The following UNC93A variants were observed in gnomAD, a reference collection of about 807,000 sequenced individuals.
The protein encoded by UNC93A is unc-93 homolog A.
Under a neutral mutation model 47.5 loss-of-function variants are expected in UNC93A, and 43 were observed. The observed-to-expected ratio is 0.91, with a 90% CI of 0.71 to 1.17. The LOEUF is 1.17. Ranked by LOEUF, UNC93A falls within the 50% of genes most tolerant of loss-of-function variation. The pLI is 0.00. For synonymous variants in UNC93A, 280 were observed against 258.0 expected (o/e 1.09, Z -0.82); for missense variants, 605 against 577.6 (o/e 1.05, Z -0.49).
intron 7 of UNC93A, among the ~76,000 whole-genome samples, chr6:167,312,363 G>A (rs896782042): frequency 1.3e-5 from 2 of 151,948 alleles, no homozygotes; most frequent in African/African-American, 2.4e-5. Context: ...CTGCGGGAGC[G>A]AGTGCCCAGG....
In UNC93A at chr6:167,293,986, G is replaced by T. The variant is rs373339881; in HGVS notation, c.88-531G>T. Among the ~76,000 whole-genome samples, 280 of 152,324 alleles carry T rather than the reference G, an allele frequency of 1.8e-3. 4 individuals carry two copies. In the South Asian group the frequency reaches 0.055, roughly 30 times the overall value. ...GCAGTTTCCAGGATACGAGGGCCACGTCCCTGGTCCATTCTCAAACCTTAG... is the reference window on the plus strand; with the variant it reads ...GCAGTTTCCAGGATACGAGGGCCACTTCCCTGGTCCATTCTCAAACCTTAG... On this transcript the variant is annotated intron_variant, in intron 1 of 7. Coordinates refer to ENST00000230256, the MANE Select transcript of UNC93A (RefSeq NM_018974.4).
At chr6:167,305,481 T>A (rs1157606095) in intron 5 of UNC93A, among the ~76,000 whole-genome samples, 2 of 152,076 alleles carry the variant, frequency 1.3e-5, no homozygotes, top group African/African-American at 4.8e-5. Flanking sequence ...GAGACACATG[T>A]GCAGCCGGCT....
chr6:167,305,473 G>A (rs1778359168), intron 5 of UNC93A, among the ~76,000 whole-genome samples: 1 of 152,158 alleles, frequency 6.6e-6, no homozygotes, highest in Admixed American at 6.5e-5. Context: ...GTGGGCATGA[G>A]ACACATGTGC....
intron 7 of UNC93A, among the ~76,000 whole-genome samples, chr6:167,309,615 A>G (rs1257860285): frequency 6.6e-6 from 1 of 152,132 alleles, no homozygotes; most frequent in Non-Finnish European, 1.5e-5. Flanking sequence ...CCCACAAACG[A>G]ACTACAGGCC....
At chr6:167,274,604 A>G (rs1407808711) in intron 1 of UNC93A, among the ~76,000 whole-genome samples, 2 of 152,060 alleles carry the variant, frequency 1.3e-5, no homozygotes, top group Non-Finnish European at 2.9e-5. Flanking sequence ...TGTTTTCTCT[A>G]TGACACTCTT....
upstream of UNC93A, among the ~76,000 whole-genome samples, chr6:167,286,839 G>C (rs937983509): frequency 1.3e-5 from 2 of 151,904 alleles, no homozygotes; most frequent in Non-Finnish European, 2.9e-5. Flanking sequence ...TTAGCTGGGT[G>C]TGGTGGCGGG....
rs747776544 is a variant in UNC93A at position 167,304,129 on chromosome 6, C to A, written c.836C>A (p.Thr279Lys). 10 of 1,614,068 alleles carry A rather than the reference C, an allele frequency of 6.2e-6. No homozygotes were observed. Among genetic ancestry groups the A allele is most frequent in the Admixed American group, 1.7e-5 (1 of 60,000 alleles). The change falls in exon 5 of 8, where the codon ACA becomes AAA. Residue 279 changes from threonine (T) to lysine (K), a missense_variant. Physicochemically the swap from Thr to Lys is moderately conservative, Grantham distance 78. Transcript: ENST00000230256. Reference protein sequence around the residue: ...LQQGFLSSEYTRSYVTCTLGI... With the variant: ...LQQGFLSSEYKRSYVTCTLGI... ...CAAGGATTCCTCTCCAGCGAATACA[C>A]AAGGGTATGAACGAAAGTGAGGGCC...
chr6:167,285,918 C>T (rs1013357890), intron 1 of UNC93A, among the ~76,000 whole-genome samples: 5 of 148,726 alleles, frequency 3.4e-5, no homozygotes, highest in Admixed American at 6.8e-5. Context: ...ATTCTATGTC[C>T]AGTGAAGAGT....
intron 7 of UNC93A, among the ~76,000 whole-genome samples, chr6:167,309,611 A>C (rs1182794035): frequency 6.6e-6 from 1 of 152,090 alleles, no homozygotes; most frequent in Admixed American, 6.5e-5. Flanking sequence ...CAAACCCACA[A>C]ACGAACTACA....
intron 1 of UNC93A, among the ~76,000 whole-genome samples, chr6:167,280,782 C>T (rs1184307306): frequency 6.6e-6 from 1 of 152,116 alleles, no homozygotes; most frequent in African/African-American, 2.4e-5. Flanking sequence ...AAATTGTATG[C>T]TTCACTGTTA....
At chr6:167,312,608 C>T (rs1200743043) in intron 7 of UNC93A, among the ~76,000 whole-genome samples, 4 of 152,234 alleles carry the variant, frequency 2.6e-5, no homozygotes, top group African/African-American at 4.8e-5. Context: ...GCCCCCACTG[C>T]GTAGCTGTCG....
upstream of UNC93A, among the ~76,000 whole-genome samples, chr6:167,288,396 A>G (rs747954105): frequency 1.3e-5 from 2 of 151,916 alleles, no homozygotes; most frequent in Non-Finnish European, 2.9e-5. Context: ...AACATTTGCT[A>G]AGAGAAAATA....
At chr6:167,293,143 C>G (rs1460353313) in intron 1 of UNC93A, among the ~76,000 whole-genome samples, 1 of 152,146 alleles carries the variant, frequency 6.6e-6, no homozygotes, top group Admixed American at 6.5e-5. Flanking sequence ...TTGGGGGTGC[C>G]TCATTGGGGA....
intron 1 of UNC93A, among the ~76,000 whole-genome samples, chr6:167,277,541 A>G (rs1783563465): frequency 6.6e-6 from 1 of 152,176 alleles, no homozygotes; most frequent in South Asian, 2.1e-4. Flanking sequence ...CAGAAGAGGC[A>G]GATTGCAGGT....
At chr6:167,275,981 C>G (rs1036565504) in intron 1 of UNC93A, among the ~76,000 whole-genome samples, 7 of 152,122 alleles carry the variant, frequency 4.6e-5, no homozygotes, top group African/African-American at 1.7e-4. Flanking sequence ...CTCCCTACCC[C>G]TCCCCTCTCC....
At chr6:167,295,141 G>A (rs1778019088) in intron 2 of UNC93A, among the ~76,000 whole-genome samples, 1 of 152,170 alleles carries the variant, frequency 6.6e-6, no homozygotes, top group African/African-American at 2.4e-5. Context: ...GGGATGGGAG[G>A]CCACCCTGCT....
At chr6:167,287,033 T>A (rs1277863599), upstream of UNC93A, among the ~76,000 whole-genome samples, 1 of 144,998 alleles carries the variant, frequency 6.9e-6, no homozygotes, top group East Asian at 2.1e-4. Context: ...TTTCTGCCCC[T>A]CATCCAGGCT....
At chr6:167,273,923 G>A (rs181084817) in intron 1 of UNC93A, among the ~76,000 whole-genome samples, 324 of 152,252 alleles carry the variant, frequency 2.1e-3, no homozygotes, top group Middle Eastern at 3.4e-3. Flanking sequence ...GGCTTAGAGA[G>A]AATCGATGGT....
intron 1 of UNC93A, 117 bp from the exon 2 acceptor site, chr6:167,294,400 G>A (rs1777987965): frequency 3.2e-6 from 4 of 1,238,516 alleles, no homozygotes; most frequent in Non-Finnish European, 4.5e-6. Flanking sequence ...CAAGCCTGTG[G>A]CTGGCGGTTC....
Sources: allele counts gnomAD v4.1 joint callset (sites outside exome capture counted in the v4.1 genomes callset), GRCh38; gene constraint gnomAD v4.1.1; transcripts MANE v1.5; gene names NCBI Gene and HGNC (gene_info 2026-07-23, HGNC 2026-07-21).